The following NUMA1 variants were observed in gnomAD, a reference collection of about 807,000 sequenced individuals.
The protein encoded by NUMA1 is nuclear mitotic apparatus protein 1.
NUMA1 carries 62 observed loss-of-function variants against 237.1 expected under a neutral mutation model. The ratio of observed to expected loss-of-function variants is 0.26; its 90% CI spans 0.21 to 0.32. NUMA1 has a LOEUF of 0.32. NUMA1 is among the 10% of genes least tolerant of loss of function. NUMA1 has a pLI of 1.00. For synonymous variants in NUMA1, 1,028 were observed against 1,066.1 expected, an observed-to-expected ratio of 0.96 and a Z score of 0.70; for missense variants, 2,533 against 2,666.5, an observed-to-expected ratio of 0.95 and a Z score of 1.10.
chr11:72,012,250 G>A (rs935567194), intron 16 of NUMA1, 151 bp downstream of exon 16: 3 of 740,336 alleles, frequency 4.1e-6, no homozygotes, highest in Non-Finnish European at 7.0e-6. Context: ...ACACTCCTGG[G>A]CAGCCTGGGC....
At chr11:72,010,650 C>G (rs1242271670) in intron 17 of NUMA1, 136 bp downstream of exon 17, 1 of 827,566 alleles carries the variant, frequency 1.2e-6, no homozygotes, top group Non-Finnish European at 1.9e-6. Flanking sequence ...GGCTTCTAAG[C>G]CACAGGCTTC....
intron 17 of NUMA1, 79 bp downstream of exon 17, chr11:72,010,707 A>AC (rs34150068): frequency 2.2e-6 from 3 of 1,378,032 alleles, no homozygotes; most frequent in Non-Finnish European, 3.0e-6. Flanking sequence ...CTGCCCCGAC[A>AC]CCCCCCACGG....
chr11:72,025,044 T>G (rs1939382426), intron 4 of NUMA1, among the ~76,000 whole-genome samples: 1 of 152,078 alleles, frequency 6.6e-6, no homozygotes, highest in African/African-American at 2.4e-5. Flanking sequence ...ATTACAGGCA[T>G]GGACCACCAC....
intron 2 of NUMA1, chr11:72,065,814 T>A (rs1182097381): frequency 6.6e-6 from 1 of 152,234 alleles, no homozygotes; most frequent in Non-Finnish European, 1.5e-5. Flanking sequence ...AAATCATCTT[T>A]GGTGGGTCAG....
At chr11:72,050,885 CTTTT>C (rs11414539) in intron 2 of NUMA1, 4 of 121,722 alleles carry the variant, frequency 3.3e-5, no homozygotes, top group Middle Eastern at 4.5e-3. Context: ...CTATACCCAC[CTTTT>C]TTTTTTTTTT....
rs1555034473 is a variant in NUMA1, at chr11:72,049,560, A to AATAATAT, written c.-32-13586_-32-13585insATATTAT. Reference sequence around the variant, plus strand: ...CCTGTCTAAAAAAAAAAATAATAATAATATATATATATATATATATATAGT... The same window carrying AATAATAT: ...CCTGTCTAAAAAAAAAAATAATAATAATAATATATATATATATATATATATATATAGT... On this transcript the variant is annotated intron_variant, in intron 2 of 26. Coordinates refer to ENST00000393695, the MANE Select transcript of NUMA1 (RefSeq NM_006185.4). 9.8e-5 allele frequency: 4 copies of AATAATAT among 41,016 alleles called. 1 individual carries two copies. The highest frequency in any genetic ancestry group is 3.4e-4 in the African/African-American group (4 of 11,836). The allele number at this position is 41,016 out of a possible 1,614,324, so 2.5% of individuals were successfully genotyped here.
rs762878302 is a variant in NUMA1 at position 72,024,316 on chromosome 11, G to C, written c.166C>G (p.Pro56Ala). 6.2e-7 allele frequency: 1 copy of C among 1,614,180 alleles called. No homozygotes were observed. The highest frequency in any genetic ancestry group is 1.3e-5 in the African/African-American group (1 of 75,052). ...ACAAAGTCCAGTCTCTCTGACACCG[G>C]CTGCTTCAAGATTTGCTGTCCCTCT... The part of the protein sequence containing the change: ...TEEGQQILKQ[P>A]VSERLDFVCS... The change falls in exon 5 of 27, where the codon CCG becomes GCG. Residue 56 changes from proline (P) to alanine (A), a missense_variant. By Grantham distance (27) the Pro-to-Ala change is conservative. Coordinates refer to ENST00000393695, the MANE Select transcript of NUMA1 (RefSeq NM_006185.4).
chr11:72,003,145 C>G lies in NUMA1; in HGVS notation c.*382G>C. 1 of 288,962 alleles carries G rather than the reference C, an allele frequency of 3.5e-6. No homozygotes were observed. Among genetic ancestry groups the G allele is most frequent in the South Asian group, 7.7e-5 (1 of 13,028 alleles). The allele number at this position is 288,962 out of a possible 1,614,324, so 17.9% of individuals were successfully genotyped here. Reference sequence around the variant, plus strand: ...CTGCTGGGCCCAGCCACCAGGACAGCAGGAACCAGGGCCTACTCCTCTTAT... The same window carrying G: ...CTGCTGGGCCCAGCCACCAGGACAGGAGGAACCAGGGCCTACTCCTCTTAT... On this transcript the variant is annotated 3_prime_UTR_variant, in exon 27 of 27. Transcript: ENST00000393695.
At chr11:72,004,568 C>T in intron 24 of NUMA1, 72 bp downstream of exon 24, 1 of 1,496,414 alleles carries the variant, frequency 6.7e-7, no homozygotes, top group Non-Finnish European at 9.1e-7. Flanking sequence ...AGAAGGCTCC[C>T]TTTAGTCCTT....
chr11:72,051,048 G>A (rs1318538511), intron 2 of NUMA1, among the ~76,000 whole-genome samples: 9 of 151,914 alleles, frequency 5.9e-5, no homozygotes, highest in Non-Finnish European at 1.3e-4. Flanking sequence ...GCGCCACCAC[G>A]CCTGGCTATT....
At chr11:72,022,591 T>C (rs1321711295) in intron 6 of NUMA1, among the ~76,000 whole-genome samples, 172 bp from the exon 7 acceptor site, 1 of 151,928 alleles carries the variant, frequency 6.6e-6, no homozygotes, top group Non-Finnish European at 1.5e-5. Flanking sequence ...TTTTTTTTTT[T>C]TTTTTTAATT....
chr11:72,044,666 GCTT>G (rs1421513444), intron 2 of NUMA1, among the ~76,000 whole-genome samples: 1 of 142,976 alleles, frequency 7.0e-6, no homozygotes, highest in Non-Finnish European at 1.5e-5. Flanking sequence ...CTGTATGTTT[GCTT>G]TTTTTTTTTT....
chr11:72,021,642 C>G (rs1938842324), intron 7 of NUMA1, among the ~76,000 whole-genome samples: 1 of 152,236 alleles, frequency 6.6e-6, no homozygotes, highest in Non-Finnish European at 1.5e-5. Flanking sequence ...AGATCTTGCT[C>G]TGTCACCCAG....
chr11:72,069,161 A>T (rs1464309135), intron 2 of NUMA1, among the ~76,000 whole-genome samples: 1 of 152,252 alleles, frequency 6.6e-6, no homozygotes, highest in Non-Finnish European at 1.5e-5. Context: ...GACATGTACA[A>T]TATCTGTCAC....
intron 12 of NUMA1, 168 bp downstream of exon 12, chr11:72,018,015 G>A (rs562057007): frequency 4.6e-5 from 43 of 941,172 alleles, no homozygotes; most frequent in South Asian, 3.8e-4. Context: ...CCCAGTACCC[G>A]GGAAGCCGCC....
rs1489267804 is a variant in NUMA1, at chr11:72,004,011, T to G, written c.6212A>C (p.Lys2071Thr). 2 of 1,613,380 alleles carry G rather than the reference T, an allele frequency of 1.2e-6. No homozygotes were observed. The highest frequency in any genetic ancestry group is 1.7e-6 in the Non-Finnish European group (2 of 1,179,674). The stretch of plus-strand genomic sequence containing the variant: ...GTTGGGGGAAGCCTTGGACAGGGCC[T>G]TCTTTGAGGCTCCCCGCCGCAGAAG... ...NSLLRRGASKKALSKASPNTR... is the reference protein window; with the variant it reads ...NSLLRRGASKTALSKASPNTR... The change falls in exon 26 of 27, where the codon AAG (lysine) becomes ACG (threonine). Residue 2071 changes from lysine (K) to threonine (T), a missense_variant. Lys to Thr is a moderately conservative substitution (Grantham distance 78). Transcript: ENST00000393695.
chr11:72,071,096 T>G (rs1565296357), intron 1 of NUMA1, among the ~76,000 whole-genome samples: 1 of 152,204 alleles, frequency 6.6e-6, no homozygotes, highest in Admixed American at 6.5e-5. Flanking sequence ...ACAACCTTAA[T>G]AGTAGGATGG....
intron 2 of NUMA1, chr11:72,049,583 A>ATATATATATATATATATATATATT (rs71052844): frequency 8.9e-5 from 2 of 22,556 alleles, no homozygotes; most frequent in Non-Finnish European, 1.7e-4. Flanking sequence ...ATATATATAT[A>ATATATATATATATATATATATATT]GTGTGTGTGT....
intron 22 of NUMA1, 90 bp downstream of exon 22, chr11:72,005,945 G>T (rs1955655593): frequency 4.3e-6 from 5 of 1,155,038 alleles, no homozygotes; most frequent in African/African-American, 3.1e-5. Flanking sequence ...GCCAGCCTTG[G>T]ATTTTTAAAA....
Sources: allele counts gnomAD v4.1 joint callset (sites outside exome capture counted in the v4.1 genomes callset), GRCh38; gene constraint gnomAD v4.1.1; transcripts MANE v1.5; gene names NCBI Gene and HGNC (gene_info 2026-07-23, HGNC 2026-07-21).